The following TAC3 variants were observed in gnomAD, a reference collection of about 807,000 sequenced individuals.
TAC3 encodes tachykinin-3.
A neutral mutation model predicts 16.5 loss-of-function variants in TAC3; 9 were observed. The ratio of observed to expected loss-of-function variants is 0.55; its 90% CI spans 0.33 to 0.95. The LOEUF (loss-of-function observed/expected upper bound fraction) is 0.95. Ranked by LOEUF, TAC3 falls within the 40% of genes least tolerant of loss-of-function variation. TAC3 has a pLI of 0.03. For missense variants in TAC3, 129 were observed against 149.1 expected (o/e 0.87, Z 0.70); for synonymous variants, 52 against 56.7 (o/e 0.92, Z 0.37).
intron 4 of TAC3, 120 bp downstream of exon 4, chr12:57,013,239 G>A (rs1956326211): frequency 1.5e-6 from 2 of 1,291,746 alleles, no homozygotes; most frequent in Non-Finnish European, 2.3e-6. Flanking sequence ...CTGAGCAGTG[G>A]GAGCTGGCAT....
chr12:57,016,486 C>T lies in TAC3; in HGVS notation c.-105G>A. Reference sequence around the variant, plus strand: ...CCCTCACACACTGGTGCTGCCGGTGCTCCTGCAAAGAGAGAAACCGAGTGG... The same window carrying T: ...CCCTCACACACTGGTGCTGCCGGTGTTCCTGCAAAGAGAGAAACCGAGTGG... On this transcript the variant is annotated 5_prime_UTR_variant, in exon 1 of 7. Transcript: ENST00000458521. 2.2e-6 allele frequency: 1 copy of T among 454,516 alleles called. No individual in the cohort carries two copies. Among genetic ancestry groups the T allele is most frequent in the South Asian group, 1.6e-5 (1 of 64,468 alleles). 28.2% of individuals were successfully genotyped at this position (454,516 alleles called of 1,614,324 possible). A position where few individuals can be genotyped will look rare whatever the true frequency, so the allele number is the denominator to read the frequency against.
chr12:57,014,365 C>T (rs934504895), intron 2 of TAC3, among the ~76,000 whole-genome samples: 6 of 152,116 alleles, frequency 3.9e-5, no homozygotes, highest in African/African-American at 9.7e-5. Context: ...GTCTCAGCAG[C>T]GCCTCTCTTT....
At chr12:57,014,721 G>A (rs1488192073) in intron 2 of TAC3, among the ~76,000 whole-genome samples, 1 of 151,624 alleles carries the variant, frequency 6.6e-6, no homozygotes, top group East Asian at 1.9e-4. Context: ...TTTTTTAACG[G>A]TTCTGGCCTT....
At chr12:57,011,243 A>C (rs1353609081) in intron 6 of TAC3, among the ~76,000 whole-genome samples, 1 of 152,192 alleles carries the variant, frequency 6.6e-6, no homozygotes, top group Non-Finnish European at 1.5e-5. Flanking sequence ...ATCATCAAGC[A>C]CCAGCTCCTT....
At chr12:57,012,534 A>G (rs1956314845) in intron 5 of TAC3, 82 bp from the exon 6 acceptor site, 1 of 1,603,616 alleles carries the variant, frequency 6.2e-7, no homozygotes, top group Non-Finnish European at 8.5e-7. Flanking sequence ...AGGGCTGGCT[A>G]TGACGGGCAG....
chr12:57,013,302 G>GC, intron 4 of TAC3, 57 bp downstream of exon 4: 1 of 1,602,572 alleles, frequency 6.2e-7, no homozygotes, highest in Non-Finnish European at 8.5e-7. Context: ...TGGGCCCAAT[G>GC]CCCCACAGAG....
At chr12:57,011,348 A>G (rs576854198) in intron 6 of TAC3, among the ~76,000 whole-genome samples, 1 of 152,036 alleles carries the variant, frequency 6.6e-6, no homozygotes, top group Admixed American at 6.5e-5. Context: ...AGCCTTCCCA[A>G]TCTCTCTCCC....
intron 1 of TAC3, 29 bp downstream of exon 1, chr12:57,016,358 G>A (rs1956374921): frequency 4.7e-6 from 2 of 428,310 alleles, no homozygotes; most frequent in Non-Finnish European, 9.6e-6. Flanking sequence ...GCCAGCTCTG[G>A]TCCATCCAGC....
intron 2 of TAC3, among the ~76,000 whole-genome samples, chr12:57,014,171 A>G (rs1470336000): frequency 1.3e-5 from 2 of 151,094 alleles, no homozygotes; most frequent in African/African-American, 4.9e-5. Context: ...TCTCTCCACA[A>G]CTGAATCCCA....
intron 2 of TAC3, 106 bp from the exon 3 acceptor site, chr12:57,013,777 C>T (rs1019084048): frequency 3.7e-5 from 35 of 954,114 alleles, no homozygotes; most frequent in Non-Finnish European, 5.6e-5. Context: ...GAATCCGACA[C>T]CCTATTTCTT....
At chr12:57,010,313 CAAAA>C in intron 6 of TAC3, 25 bp from the exon 7 acceptor site, 1 of 374,504 alleles carries the variant, frequency 2.7e-6, no homozygotes, top group Non-Finnish European at 5.3e-6. Context: ...CAAAACAAAA[CAAAA>C]AAAAACACTG....
chr12:57,012,339 C>T (rs770324612), intron 6 of TAC3, 39 bp downstream of exon 6: 7 of 1,487,304 alleles, frequency 4.7e-6, no homozygotes, highest in Non-Finnish European at 4.7e-6. Flanking sequence ...ACAGCCCCCT[C>T]CCCAGTCCCC....
chr12:57,013,569 G>T lies in TAC3; in HGVS notation c.208+9C>A, dbSNP rs200744260. 6.2e-7 allele frequency: 1 copy of T among 1,612,282 alleles called. No individual in the cohort carries two copies. Among genetic ancestry groups the T allele is most frequent in the Non-Finnish European group, 8.5e-7 (1 of 1,179,424 alleles). ...CCTCATTCCCCTCTCCCCTAGGGCC[G>T]CCTCCTACCTGTGCTAGCCTGGCTC... On this transcript the variant is annotated intron_variant, in intron 3 of 6. Transcript: ENST00000458521.
chr12:57,013,250 A>G, intron 4 of TAC3, 109 bp downstream of exon 4: 1 of 1,364,952 alleles, frequency 7.3e-7, no homozygotes, highest in Non-Finnish European at 1.0e-6. Flanking sequence ...GAGCTGGCAT[A>G]TTGTTTGTAC....
intron 6 of TAC3, 118 bp downstream of exon 6, chr12:57,012,260 G>A (rs1956309102): frequency 1.0e-6 from 1 of 956,226 alleles, no homozygotes; most frequent in Non-Finnish European, 1.6e-6. Context: ...CATTGGCAGT[G>A]TATTTCAGGG....
At chr12:57,012,497 G>C in intron 5 of TAC3, 45 bp from the exon 6 acceptor site, 1 of 1,610,712 alleles carries the variant, frequency 6.2e-7, no homozygotes, top group Non-Finnish European at 8.5e-7. Context: ...CTTTCTGAAT[G>C]TGAACTACAC....
Position 57,013,616 on chromosome 12 carries a change from A to G in TAC3, c.170T>C (p.Leu57Pro). ...GCTCAGGGCTTTGAGCAATCCCTCC[A>G]GAGATGAGTGGCTTTTGAAGAGTCT... ...LQRLFKSHSS[L>P]EGLLKALSQA... Residue 57 changes from leucine (L) to proline (P), a missense_variant, in exon 3 of 7, where the codon CTG (leucine) becomes CCG (proline). By Grantham distance (98) the Leu-to-Pro change is moderately conservative (BLOSUM62 -3). Coordinates refer to ENST00000458521, the MANE Select transcript of TAC3 (RefSeq NM_013251.4). 1 of 1,613,722 alleles carries G rather than the reference A, an allele frequency of 6.2e-7. No individual in the cohort carries two copies.
intron 2 of TAC3, among the ~76,000 whole-genome samples, chr12:57,014,346 A>C (rs1204826052): frequency 6.6e-6 from 1 of 152,112 alleles, no homozygotes; most frequent in Admixed American, 6.5e-5. Context: ...TTTTCATCTC[A>C]AATCTCAAGT....
chr12:57,015,179 G>T (rs1404718150), intron 2 of TAC3, among the ~76,000 whole-genome samples: 1 of 152,146 alleles, frequency 6.6e-6, no homozygotes, highest in African/African-American at 2.4e-5. Context: ...AAGCACCTGA[G>T]GTTACTGGGG....
Sources: gnomAD v4.1 joint callset for allele counts (sites outside exome capture counted in the v4.1 genomes callset) on GRCh38, gnomAD v4.1.1 for gene constraint, MANE v1.5 for transcripts, NCBI Gene and HGNC (gene_info 2026-07-23, HGNC 2026-07-21) for gene names.